BMERB1: variants seen among roughly 807,000 people sequenced by gnomAD.
The protein encoded by BMERB1 is bMERB domain-containing protein 1.
A neutral mutation model predicts 23.6 loss-of-function variants in BMERB1; 12 were observed. The ratio of observed to expected loss-of-function variants is 0.51; its 90% confidence interval spans 0.33 to 0.82. The LOEUF (loss-of-function observed/expected upper bound fraction) is 0.82, where lower values mean the gene tolerates loss of function less well. Ranked by LOEUF, BMERB1 falls within the 40% of genes least tolerant of loss-of-function variation. The pLI, the probability that BMERB1 is intolerant of heterozygous loss-of-function variation, is 0.03. For missense variants in BMERB1, 247 were observed against 255.4 expected, an observed-to-expected ratio of 0.97 and a Z score of 0.22; for synonymous variants, 122 against 96.6, an observed-to-expected ratio of 1.26 and a Z score of -1.54.
At chr16:15,440,590 G>T (rs2050931469) in intron 1 of BMERB1, among the ~76,000 whole-genome samples, 1 of 151,666 alleles carries the variant, frequency 6.6e-6, no homozygotes, top group African/African-American at 2.4e-5. Context: ...CTTTTTTTCT[G>T]ATTCTAGAAG....
chr16:15,481,298 G>A (rs1286050959), intron 1 of BMERB1, among the ~76,000 whole-genome samples: 4 of 152,058 alleles, frequency 2.6e-5, no homozygotes, highest in Non-Finnish European at 2.9e-5. Flanking sequence ...AGGCCGAGGC[G>A]GGTGGATCAC....
At chr16:15,449,285 T>C (rs948628400) in intron 1 of BMERB1, among the ~76,000 whole-genome samples, 1 of 152,182 alleles carries the variant, frequency 6.6e-6, no homozygotes, top group African/African-American at 2.4e-5. Context: ...AGTGAACTAA[T>C]GCGTGTTCTC....
intron 1 of BMERB1, among the ~76,000 whole-genome samples, chr16:15,446,316 G>T (rs1341564431): frequency 6.6e-6 from 1 of 152,136 alleles, no homozygotes; most frequent in African/African-American, 2.4e-5. Flanking sequence ...AATCTCTTGA[G>T]CCCAGGAGTT....
chr16:15,457,853 G>A (rs965613624), intron 1 of BMERB1, among the ~76,000 whole-genome samples: 13 of 152,194 alleles, frequency 8.5e-5, no homozygotes, highest in Admixed American at 7.9e-4. Context: ...GTTCCGCATG[G>A]CTGGGGAGGC....
At chr16:15,442,958 C>A (rs1199857692) in intron 1 of BMERB1, among the ~76,000 whole-genome samples, 1 of 152,058 alleles carries the variant, frequency 6.6e-6, no homozygotes, top group Non-Finnish European at 1.5e-5. Context: ...CCATAAAGAA[C>A]ACCACAGGGC....
At chr16:15,502,065 G>C (rs1405038175) in intron 1 of BMERB1, among the ~76,000 whole-genome samples, 1 of 152,222 alleles carries the variant, frequency 6.6e-6, no homozygotes, top group Non-Finnish European at 1.5e-5. Context: ...GTCTCAAAGA[G>C]GTTAGGGCAT....
At chr16:15,577,085 A>T (rs948306159) in intron 3 of BMERB1, 2 of 152,178 alleles carry the variant, frequency 1.3e-5, no homozygotes, top group Admixed American at 6.5e-5. Context: ...CATGCAAATG[A>T]ACTTTCCACT....
rs563692443 is a variant in BMERB1 at position 15,504,681 on chromosome 16, G to A, written c.107-10624G>A. ...TTGCCCAGGCTGGTCTTAAACTCAT[G>A]GCTTCAAGTGATCCTCTTCCCTCAG... On this transcript the variant is annotated intron_variant, in intron 1 of 5. Coordinates refer to ENST00000300006, the MANE Select transcript of BMERB1 (RefSeq NM_033201.3). Among the ~76,000 whole-genome samples the A allele has an allele frequency of 2.0e-5, 3 of 151,964 alleles. No individual in the cohort carries two copies. In the East Asian group the frequency reaches 5.8e-4, roughly 29 times the overall value.
Position 15,586,895 on chromosome 16 carries a change from T to G in BMERB1, c.*66T>G. 9.4e-7 allele frequency: 1 copy of G among 1,059,238 alleles called. No homozygotes were observed. The highest frequency in any genetic ancestry group is 1.4e-6 in the Non-Finnish European group (1 of 731,494). The allele number at this position is 1,059,238 out of a possible 1,614,324, so 65.6% of individuals were successfully genotyped here. On this transcript the variant is annotated 3_prime_UTR_variant, in exon 6 of 6. Transcript: ENST00000300006. ...ACCCTCTTGTCTTTATAGCCCCCATTTCACCGGGGCCCAAGAGCTCTCCAA... is the reference window on the plus strand; with the variant it reads ...ACCCTCTTGTCTTTATAGCCCCCATGTCACCGGGGCCCAAGAGCTCTCCAA...
In BMERB1 at chr16:15,587,491, C is replaced by T. The variant is rs1336231594; in HGVS notation, c.*662C>T. 2 of 431,880 alleles carry T rather than the reference C, an allele frequency of 4.6e-6. No individual in the cohort carries two copies. Among genetic ancestry groups the T allele is most frequent in the Admixed American group, 2.5e-5 (1 of 39,606 alleles). The allele number at this position is 431,880 out of a possible 1,614,324, so 26.8% of individuals were successfully genotyped here. On this transcript the variant is annotated 3_prime_UTR_variant, in exon 6 of 6. Coordinates refer to ENST00000300006, the MANE Select transcript of BMERB1 (RefSeq NM_033201.3). ...ACATCAGGACAGCGTCCATTGTGCTCTCAGTCTGCCTCAGGTGTGTGCCTG... is the reference window on the plus strand; with the variant it reads ...ACATCAGGACAGCGTCCATTGTGCTTTCAGTCTGCCTCAGGTGTGTGCCTG...
chr16:15,532,803 C>G (rs1451662456), intron 2 of BMERB1, among the ~76,000 whole-genome samples: 1 of 152,156 alleles, frequency 6.6e-6, no homozygotes. Flanking sequence ...CCTCGGCCTC[C>G]CAAAGTGTTG....
chr16:15,532,254 C>T (rs879943161), intron 2 of BMERB1, among the ~76,000 whole-genome samples: 1 of 151,656 alleles, frequency 6.6e-6, no homozygotes, highest in South Asian at 2.1e-4. Flanking sequence ...TTTTTTGAGA[C>T]AAAGTCTCAC....
intron 2 of BMERB1, among the ~76,000 whole-genome samples, chr16:15,556,710 T>C (rs2030269785): frequency 6.6e-6 from 1 of 152,136 alleles, no homozygotes; most frequent in Non-Finnish European, 1.5e-5. Flanking sequence ...CTCAGCCTCC[T>C]GAGTAGCTAG....
intron 2 of BMERB1, among the ~76,000 whole-genome samples, chr16:15,524,884 C>T (rs143710093): frequency 3.9e-5 from 6 of 152,276 alleles, no homozygotes; most frequent in African/African-American, 1.2e-4. Flanking sequence ...CTAGAAGTTC[C>T]GTCTTCCTAG....
In BMERB1 at chr16:15,492,739, C is replaced by T. The variant is rs908890924; in HGVS notation, c.107-22566C>T. ...TTTGAGACCAGCTTCACCAACATGG[C>T]GAAACCTTGTCTCTACTAAAAATAC... On this transcript the variant is annotated intron_variant, in intron 1 of 5. Transcript: ENST00000300006. 5.9e-5 allele frequency among the ~76,000 whole-genome samples: 9 copies of T among 151,270 alleles called. No homozygotes were observed. The East Asian group carries it at 1.4e-3, about 23-fold the overall frequency.
At chr16:15,436,179 T>G (rs531592747) in intron 1 of BMERB1, among the ~76,000 whole-genome samples, 2 of 152,274 alleles carry the variant, frequency 1.3e-5, no homozygotes, top group Admixed American at 6.6e-5. Context: ...ATCCTTTTTT[T>G]TGTGTTACAA....
At chr16:15,523,803 T>C (rs2051879636) in intron 2 of BMERB1, among the ~76,000 whole-genome samples, 1 of 152,100 alleles carries the variant, frequency 6.6e-6, no homozygotes, top group Non-Finnish European at 1.5e-5. Context: ...ATTGTTAACA[T>C]TGTGCTTCGT....
rs938456754 is a variant in BMERB1, at chr16:15,567,864, T to C, written c.231-119T>C. 6 of 826,014 alleles carry C rather than the reference T, an allele frequency of 7.3e-6. No homozygotes were observed. The Admixed American group carries it at 1.0e-4, about 14-fold the overall frequency. The allele number at this position is 826,014 out of a possible 1,614,324, so 51.2% of individuals were successfully genotyped here. A position where few individuals can be genotyped will look rare whatever the true frequency, so the allele number is the denominator to read the frequency against. ...TGAGGGAAAACCTCTACAATGAGCA[T>C]GTATGGCCTCTTCAAAAGATAACCC... On this transcript the variant is annotated intron_variant, in intron 2 of 5. Transcript: ENST00000300006.
At chr16:15,494,040 G>A (rs963812935) in intron 1 of BMERB1, among the ~76,000 whole-genome samples, 3 of 152,046 alleles carry the variant, frequency 2.0e-5, no homozygotes, top group African/African-American at 4.8e-5. Flanking sequence ...TTAGGGAGTC[G>A]GTTAAGATGC....
Sources: allele counts gnomAD v4.1 joint callset (sites outside exome capture counted in the v4.1 genomes callset), GRCh38; gene constraint gnomAD v4.1.1; transcripts MANE v1.5; gene names NCBI Gene and HGNC (gene_info 2026-07-23, HGNC 2026-07-21).